Variants in RPS6KC1 observed in about 807,000 individuals in gnomAD.
RPS6KC1 encodes ribosomal protein S6 kinase C1.
Under a neutral mutation model 103.8 loss-of-function variants are expected in RPS6KC1, and 54 were observed. The observed-to-expected ratio is 0.52, with a 90% CI of 0.42 to 0.65. RPS6KC1 has a LOEUF of 0.65. Ranked by LOEUF, RPS6KC1 falls within the 30% of genes least tolerant of loss-of-function variation. The pLI is 0.00. For synonymous variants in RPS6KC1, 439 were observed against 438.7 expected (o/e 1.00, Z -0.01); for missense variants, 1,151 against 1,253.8 (o/e 0.92, Z 1.24).
the RPS6KC1 span, among the ~76,000 whole-genome samples, chr1:213,653,787 T>G: frequency 6.6e-6 from 1 of 152,328 alleles, no homozygotes; most frequent in South Asian, 2.1e-4. Flanking sequence ...TTATTTTAAT[T>G]TCTAGTTTCC....
chr1:213,447,943 T>A, the RPS6KC1 span, among the ~76,000 whole-genome samples: 1 of 152,078 alleles, frequency 6.6e-6, no homozygotes, highest in Admixed American at 6.5e-5. Context: ...TTTTTGAAAT[T>A]ATCCATGCTG....
chr1:213,152,932 C>T (rs1310893966), intron 6 of RPS6KC1, among the ~76,000 whole-genome samples: 1 of 152,242 alleles, frequency 6.6e-6, no homozygotes. Context: ...CACGCTACTG[C>T]ACTCCAGCCT....
the RPS6KC1 span, among the ~76,000 whole-genome samples, chr1:213,651,531 T>C: frequency 1.3e-5 from 2 of 152,226 alleles, no homozygotes; most frequent in Non-Finnish European, 2.9e-5. Flanking sequence ...TCTATTCTGA[T>C]GGCTCAATAT....
At chr1:213,780,110 A>G in the RPS6KC1 span, among the ~76,000 whole-genome samples, 1 of 152,232 alleles carries the variant, frequency 6.6e-6, no homozygotes, top group African/African-American at 2.4e-5. Context: ...GAGGCAGTAA[A>G]GAATTTTTCA....
At chr1:213,662,072 C>T in the RPS6KC1 span, among the ~76,000 whole-genome samples, 2 of 152,062 alleles carry the variant, frequency 1.3e-5, no homozygotes, top group African/African-American at 4.8e-5. Flanking sequence ...GGAGGGAGAA[C>T]CCAATGTTTC....
chr1:213,141,097 A>C (rs938340065), intron 6 of RPS6KC1, among the ~76,000 whole-genome samples: 5 of 151,890 alleles, frequency 3.3e-5, no homozygotes, highest in African/African-American at 1.2e-4. Flanking sequence ...GGGTTTCATC[A>C]TGTTGGCCAG....
At chr1:213,058,144 A>G (rs545642083) in intron 1 of RPS6KC1, among the ~76,000 whole-genome samples, 1 of 132,040 alleles carries the variant, frequency 7.6e-6, no homozygotes, top group Admixed American at 9.2e-5. Context: ...CGCAGGTGTG[A>G]TCATAGTGTG....
the RPS6KC1 span, among the ~76,000 whole-genome samples, chr1:213,381,911 G>T: frequency 6.6e-6 from 1 of 152,210 alleles, no homozygotes; most frequent in East Asian, 1.9e-4. Context: ...CCCTCGTGCA[G>T]CTTCTGTGAG....
At chr1:213,814,216 C>T in the RPS6KC1 span, among the ~76,000 whole-genome samples, 66 of 152,358 alleles carry the variant, frequency 4.3e-4, 1 homozygote, top group South Asian at 0.013. Context: ...TGCAATACTC[C>T]TGCCTTCCGT....
chr1:213,055,207 GCAGT>G (rs1198668158), intron 1 of RPS6KC1, among the ~76,000 whole-genome samples: 4 of 152,040 alleles, frequency 2.6e-5, no homozygotes, highest in Non-Finnish European at 1.5e-5. Context: ...ATGTTCCTTT[GCAGT>G]CAGTCACTCC....
intron 4 of RPS6KC1, among the ~76,000 whole-genome samples, chr1:213,107,143 T>C (rs1349930647): frequency 6.6e-6 from 1 of 152,142 alleles, no homozygotes; most frequent in Non-Finnish European, 1.5e-5. Context: ...GGTTTCACAA[T>C]GTTGGCCAGG....
the RPS6KC1 span, among the ~76,000 whole-genome samples, chr1:213,286,085 C>T: frequency 5.9e-5 from 9 of 152,216 alleles, no homozygotes; most frequent in African/African-American, 2.2e-4. Context: ...CTTTTAAGAA[C>T]CAGAATGAAA....
chr1:213,790,041 G>A, the RPS6KC1 span, among the ~76,000 whole-genome samples: 326 of 152,270 alleles, frequency 2.1e-3, 3 homozygotes, highest in East Asian at 0.019. Context: ...TCTTCCTTAA[G>A]CATCCAGCCT....
chr1:213,421,947 T>C, the RPS6KC1 span, among the ~76,000 whole-genome samples: 1 of 152,214 alleles, frequency 6.6e-6, no homozygotes, highest in Non-Finnish European at 1.5e-5. Context: ...TAACCTTGCT[T>C]CTTCCCTTGC....
intron 6 of RPS6KC1, among the ~76,000 whole-genome samples, chr1:213,166,175 A>G (rs1012565532): frequency 6.6e-6 from 1 of 151,994 alleles, no homozygotes; most frequent in African/African-American, 2.4e-5. Context: ...GCTTAAACAC[A>G]CTGAATTAAA....
chr1:213,306,984 T>C, the RPS6KC1 span, among the ~76,000 whole-genome samples: 1 of 152,152 alleles, frequency 6.6e-6, no homozygotes, highest in Non-Finnish European at 1.5e-5. Flanking sequence ...CAGTGGCCAG[T>C]TGGTGCCAGA....
chr1:213,184,009 A>G (rs931098159), intron 8 of RPS6KC1, among the ~76,000 whole-genome samples: 3 of 152,188 alleles, frequency 2.0e-5, no homozygotes, highest in African/African-American at 7.2e-5. Context: ...TTGATAATTT[A>G]GATGGAATGG....
chr1:213,769,686 TGAAA>T, the RPS6KC1 span, among the ~76,000 whole-genome samples: 5 of 150,840 alleles, frequency 3.3e-5, no homozygotes, highest in East Asian at 9.7e-4. Context: ...AGGGCAGGAA[TGAAA>T]GAAAGAAAAA....
intron 5 of RPS6KC1, among the ~76,000 whole-genome samples, chr1:213,122,856 C>A (rs1258964582): frequency 6.6e-6 from 1 of 152,022 alleles, no homozygotes; most frequent in African/African-American, 2.4e-5. Context: ...AACAACAGGT[C>A]ATTTTTTCCC....
Sources: allele counts gnomAD v4.1 joint callset (sites outside exome capture counted in the v4.1 genomes callset), GRCh38; gene constraint gnomAD v4.1.1; transcripts MANE v1.5; gene names NCBI Gene and HGNC (gene_info 2026-07-23, HGNC 2026-07-21).